MICU1: variants seen among roughly 807,000 people sequenced by gnomAD.
The protein encoded by MICU1 is mitochondrial calcium uptake 1, also known as calcium uptake protein 1, mitochondrial.
A neutral mutation model predicts 56.8 loss-of-function variants in MICU1; 45 were observed. The observed-to-expected ratio is 0.79, with a 90% confidence interval of 0.62 to 1.02. The LOEUF (loss-of-function observed/expected upper bound fraction) is 1.02, where lower values mean the gene tolerates loss of function less well. MICU1 is among the 50% of genes least tolerant of loss of function. MICU1 has a pLI of 0.00. For synonymous variants in MICU1, 186 were observed against 195.1 expected, an observed-to-expected ratio of 0.95 and a Z score of 0.39; for missense variants, 504 against 587.1, an observed-to-expected ratio of 0.86 and a Z score of 1.46.
intron 4 of MICU1, among the ~76,000 whole-genome samples, chr10:72,535,866 C>T (rs571194358): frequency 4.5e-4 from 69 of 152,074 alleles, no homozygotes; most frequent in Non-Finnish European, 7.9e-4. Context: ...TAACAGCCAT[C>T]TTTAAAAAGG....
At chr10:72,384,541 T>C (rs558124024) in intron 10 of MICU1, among the ~76,000 whole-genome samples, 2 of 152,300 alleles carry the variant, frequency 1.3e-5, no homozygotes, top group South Asian at 4.1e-4. Flanking sequence ...GTGATGTAAT[T>C]CATGATGGTA....
intron 1 of MICU1, among the ~76,000 whole-genome samples, chr10:72,621,518 AT>A (rs1441403761): frequency 1.3e-5 from 2 of 152,140 alleles, no homozygotes; most frequent in Non-Finnish European, 2.9e-5. Context: ...TAATAAAAAA[AT>A]AAAGTGGTTT....
Position 72,427,733 on chromosome 10 carries a change from A to AATAAATATAT in MICU1, c.934-4363_934-4362insATATATTTAT, listed in dbSNP as rs1241632825. On this transcript the variant is annotated intron_variant, in intron 8 of 11. Transcript: ENST00000361114. ...TCAGCATCATAGACCCCATCTCTAA[A>AATAAATATAT]ATATATATATATATATATATATATA... Among the ~76,000 whole-genome samples the AATAAATATAT allele has an allele frequency of 4.4e-3, 594 of 136,102 alleles. 6 individuals are homozygous for AATAAATATAT. Among genetic ancestry groups the AATAAATATAT allele is most frequent in the East Asian group, 0.023 (70 of 3,098 alleles). The allele number at this position is 136,102 out of a possible 152,430, so 89.3% of individuals were successfully genotyped here.
At chr10:72,447,643 C>G (rs943768157) in intron 8 of MICU1, among the ~76,000 whole-genome samples, 55 of 151,354 alleles carry the variant, frequency 3.6e-4, no homozygotes, top group Admixed American at 3.4e-3. Flanking sequence ...ATGCAATATA[C>G]GAAAAAATCA....
At chr10:72,585,994 A>ATTTT (rs1276935862) in intron 1 of MICU1, among the ~76,000 whole-genome samples, 1 of 100,204 alleles carries the variant, frequency 1.0e-5, no homozygotes, top group Non-Finnish European at 2.1e-5. Context: ...TATTGTTTTT[A>ATTTT]TTTTTTCTTT....
intron 9 of MICU1, among the ~76,000 whole-genome samples, chr10:72,415,676 G>A (rs967895754): frequency 6.6e-6 from 1 of 152,040 alleles, no homozygotes; most frequent in South Asian, 2.1e-4. Context: ...TGGGATTTAC[G>A]GTCTTCCACC....
intron 8 of MICU1, among the ~76,000 whole-genome samples, chr10:72,451,424 C>T (rs1391964175): frequency 6.6e-6 from 1 of 152,174 alleles, no homozygotes; most frequent in Admixed American, 6.6e-5. Context: ...ACAATAGAGG[C>T]AGTGGCAACT....
chr10:72,525,432 G>C (rs1308010857), intron 5 of MICU1, among the ~76,000 whole-genome samples: 2 of 152,162 alleles, frequency 1.3e-5, no homozygotes, highest in East Asian at 3.8e-4. Context: ...CAGAGCCCAA[G>C]GGATTTTACG....
chr10:72,449,475 C>A (rs1034820131), intron 8 of MICU1, among the ~76,000 whole-genome samples: 4 of 152,114 alleles, frequency 2.6e-5, no homozygotes, highest in Admixed American at 2.6e-4. Flanking sequence ...TAGGCTGAAG[C>A]AATCCTCCCA....
intron 3 of MICU1, 21 bp from the exon 4 acceptor site, chr10:72,551,362 A>G: frequency 1.3e-6 from 2 of 1,585,416 alleles, no homozygotes; most frequent in Non-Finnish European, 8.6e-7. Context: ...AAATTTAGAA[A>G]GTGTTACTAT....
intron 4 of MICU1, among the ~76,000 whole-genome samples, chr10:72,540,594 G>A (rs1326380046): frequency 6.6e-6 from 1 of 152,050 alleles, no homozygotes; most frequent in African/African-American, 2.4e-5. Flanking sequence ...GGGATAACTT[G>A]AGCCCAGGAG....
chr10:72,417,325 G>C (rs1276310939), intron 9 of MICU1, among the ~76,000 whole-genome samples: 2 of 151,980 alleles, frequency 1.3e-5, no homozygotes, highest in African/African-American at 2.4e-5. Context: ...GTGGCAGTGG[G>C]CACCTGTAGC....
intron 1 of MICU1, among the ~76,000 whole-genome samples, chr10:72,601,763 A>C (rs925481016): frequency 6.6e-6 from 1 of 151,600 alleles, no homozygotes; most frequent in Non-Finnish European, 1.5e-5. Context: ...ATAATTGTAT[A>C]CAATATATAA....
intron 1 of MICU1, among the ~76,000 whole-genome samples, chr10:72,569,401 AT>A (rs1476748042): frequency 4.0e-5 from 6 of 150,256 alleles, no homozygotes; most frequent in African/African-American, 1.5e-4. Flanking sequence ...TGCCTGGCTA[AT>A]TTTTGCATTT....
intron 6 of MICU1, among the ~76,000 whole-genome samples, chr10:72,486,660 C>T (rs1480483955): frequency 9.9e-5 from 15 of 152,064 alleles, no homozygotes; most frequent in East Asian, 1.9e-4. Context: ...TTAATAGAGA[C>T]GGGGTTTTGC....
intron 8 of MICU1, among the ~76,000 whole-genome samples, chr10:72,449,368 G>A (rs905428663): frequency 3.3e-5 from 5 of 152,026 alleles, no homozygotes; most frequent in Admixed American, 1.3e-4. Context: ...ACTGCACTCC[G>A]GCCTGGGTGA....
At chr10:72,415,411 C>A (rs746077945) in intron 9 of MICU1, among the ~76,000 whole-genome samples, 1 of 152,088 alleles carries the variant, frequency 6.6e-6, no homozygotes, top group Non-Finnish European at 1.5e-5. Context: ...GCCCATGTTA[C>A]CTATTTCTTG....
intron 10 of MICU1, among the ~76,000 whole-genome samples, chr10:72,392,328 T>C (rs912584556): frequency 1.3e-5 from 2 of 152,104 alleles, no homozygotes; most frequent in African/African-American, 4.8e-5. Flanking sequence ...CCTAGCACTT[T>C]GGGAAGCTGA....
At chr10:72,569,231 ATATATAT>A (rs1488198786) in intron 1 of MICU1, among the ~76,000 whole-genome samples, 2 of 39,540 alleles carry the variant, frequency 5.1e-5, no homozygotes, top group African/African-American at 1.8e-4. Context: ...ATATATATAT[ATATATAT>A]TTTTTTTTTT....
Sources: gnomAD v4.1 joint callset for allele counts (sites outside exome capture counted in the v4.1 genomes callset) on GRCh38, gnomAD v4.1.1 for gene constraint, MANE v1.5 for transcripts, NCBI Gene and HGNC (gene_info 2026-07-23, HGNC 2026-07-21) for gene names.